The following VAV3 variants were observed in gnomAD, a reference collection of about 807,000 sequenced individuals.
VAV3 encodes vav guanine nucleotide exchange factor 3, also known as guanine nucleotide exchange factor VAV3.
A neutral mutation model predicts 131.2 loss-of-function variants in VAV3; 94 were observed. The observed-to-expected ratio is 0.72, with a 90% CI of 0.61 to 0.85. The LOEUF (loss-of-function observed/expected upper bound fraction) is 0.85. VAV3 is among the 40% of genes least tolerant of loss of function. The pLI, the probability that VAV3 is intolerant of heterozygous loss-of-function variation, is 0.00. For missense variants in VAV3, 939 were observed against 1,002.7 expected (o/e 0.94, Z 0.86); for synonymous variants, 349 against 342.0 (o/e 1.02, Z -0.22).
At position 107,866,849 on chromosome 1, in the gene VAV3, T is replaced by C. The variant is rs202064472; in HGVS notation, c.321+8052A>G. 1.3e-3 allele frequency among the ~76,000 whole-genome samples: 101 copies of C among 80,554 alleles called. No individual in the cohort carries two copies. The South Asian group carries it at 0.034, about 27-fold the overall frequency. 52.8% of individuals were successfully genotyped at this position (80,554 alleles called of 152,430 possible). A position where few individuals can be genotyped will look rare whatever the true frequency, so the allele number is the denominator to read the frequency against. On this transcript the variant is annotated intron_variant, in intron 2 of 26. Coordinates refer to ENST00000370056, the MANE Select transcript of VAV3 (RefSeq NM_006113.5). Reference sequence around the variant, plus strand: ...AAAAAAAAAAAAAAAAAAAAAAAAATAGGGCATTTGTAACCATTTAGCTCC... The same window carrying C: ...AAAAAAAAAAAAAAAAAAAAAAAAACAGGGCATTTGTAACCATTTAGCTCC...
At chr1:107,859,376 T>G (rs1459191173) in intron 2 of VAV3, among the ~76,000 whole-genome samples, 2 of 152,172 alleles carry the variant, frequency 1.3e-5, no homozygotes, top group African/African-American at 4.8e-5. Context: ...CCTAGCCCCT[T>G]GAGACATTTC....
chr1:107,704,619 TAAAAC>T lies in VAV3; in HGVS notation c.1631_1635del (p.Cys544Ter). On this transcript the variant is annotated frameshift_variant, in exon 17 of 27. Coordinates refer to ENST00000370056, the MANE Select transcript of VAV3 (RefSeq NM_006113.5). LOFTEE classifies it high-confidence loss of function. ...TCTTTGTGTGCTCTCGCTCCACACT[TAAAAC>T]ATAAATAGCCTTGATAAAATGTTCC... is the stretch of plus-strand genomic sequence containing the variant. 1 of 1,613,836 alleles carries T rather than the reference TAAAAC, an allele frequency of 6.2e-7. No homozygotes were observed. Among genetic ancestry groups the T allele is most frequent in the Non-Finnish European group, 8.5e-7 (1 of 1,179,862 alleles).
intron 25 of VAV3, among the ~76,000 whole-genome samples, chr1:107,591,056 A>C (rs758308586): frequency 1.3e-5 from 2 of 152,168 alleles, no homozygotes; most frequent in African/African-American, 2.4e-5. Flanking sequence ...GTTCCTTAAA[A>C]ATATGAAGTT....
intron 1 of VAV3, among the ~76,000 whole-genome samples, chr1:107,889,132 AGTGTGTGTGT>A (rs5776903): frequency 1.2e-4 from 17 of 142,038 alleles, no homozygotes; most frequent in Admixed American, 2.8e-4. Context: ...TCCTGTGTAG[AGTGTGTGTGT>A]GTGTGTGTGT....
rs146885437 is a variant in VAV3 at position 107,751,136 on chromosome 1, T to C, written c.1240A>G (p.Lys414Glu). 2.5e-6 allele frequency: 4 copies of C among 1,613,130 alleles called. No individual in the cohort carries two copies. The highest frequency in any genetic ancestry group is 3.4e-6 in the Non-Finnish European group (4 of 1,179,726). ...TCTTACCTTTCTTGTTTGGTATGCT[T>C]GTCTAGAGTGGTTATTCGAATTTCA... ...DGEIRITTLD[K>E]HTKQERHIFL... Residue 414 changes from lysine (K) to glutamate (E), a missense_variant, in exon 13 of 27, where the codon AAG (lysine) becomes GAG (glutamate). By Grantham distance (56) the Lys-to-Glu change is moderately conservative (BLOSUM62 1). Transcript: ENST00000370056.
rs756184459 is a variant in VAV3, at chr1:107,751,137, G to A, written c.1239C>T (p.Asp413=). The A allele has an allele frequency of 3.9e-5, 63 of 1,612,590 alleles. No homozygotes were observed. The highest frequency in any genetic ancestry group is 4.7e-5 in the Non-Finnish European group (55 of 1,179,596). The change falls in exon 13 of 27, where the codon GAC becomes GAT. Residue 413 remains aspartate, a synonymous_variant. Coordinates refer to ENST00000370056, the MANE Select transcript of VAV3 (RefSeq NM_006113.5). ...CTTACCTTTCTTGTTTGGTATGCTTGTCTAGAGTGGTTATTCGAATTTCAC... is the reference window on the plus strand; with the variant it reads ...CTTACCTTTCTTGTTTGGTATGCTTATCTAGAGTGGTTATTCGAATTTCAC... ...GDGEIRITTL[D]KHTKQERHIF...
chr1:107,671,184 C>A (rs1481141644), intron 19 of VAV3, among the ~76,000 whole-genome samples: 1 of 152,172 alleles, frequency 6.6e-6, no homozygotes, highest in Non-Finnish European at 1.5e-5. Context: ...GTAATTCTTA[C>A]TCCCAAGAAG....
intron 24 of VAV3, among the ~76,000 whole-genome samples, chr1:107,600,854 T>C (rs1651797531): frequency 6.6e-6 from 1 of 152,206 alleles, no homozygotes; most frequent in Admixed American, 6.5e-5. Context: ...TCTTCTTTGC[T>C]TGTCTCCTCT....
At chr1:107,871,688 T>C (rs759412434) in intron 2 of VAV3, among the ~76,000 whole-genome samples, 4 of 152,124 alleles carry the variant, frequency 2.6e-5, no homozygotes, top group Non-Finnish European at 5.9e-5. Context: ...TCTCACAAAA[T>C]ACAAATTATC....
intron 1 of VAV3, among the ~76,000 whole-genome samples, chr1:107,947,244 G>A (rs1258883245): frequency 2.0e-5 from 3 of 152,150 alleles, no homozygotes; most frequent in African/African-American, 4.8e-5. Flanking sequence ...CAGACAAATC[G>A]ACAGATTCAA....
At chr1:107,659,977 C>G (rs1656885166) in intron 19 of VAV3, among the ~76,000 whole-genome samples, 1 of 152,144 alleles carries the variant, frequency 6.6e-6, no homozygotes, top group Admixed American at 6.5e-5. Context: ...CCCTTTCCCC[C>G]ACCTCAAGAC....
intron 1 of VAV3, among the ~76,000 whole-genome samples, chr1:107,951,423 C>T (rs1016425116): frequency 3.3e-5 from 5 of 152,102 alleles, no homozygotes; most frequent in Non-Finnish European, 5.9e-5. Context: ...TGCCTTTGTG[C>T]CCTGTACAAA....
intron 24 of VAV3, among the ~76,000 whole-genome samples, chr1:107,600,174 C>T (rs1267099526): frequency 6.6e-6 from 1 of 152,070 alleles, no homozygotes; most frequent in Non-Finnish European, 1.5e-5. Context: ...TTGAGTTCTC[C>T]AGAAAGTGAT....
chr1:107,620,602 C>CT (rs889340557), intron 20 of VAV3, among the ~76,000 whole-genome samples: 7 of 151,364 alleles, frequency 4.6e-5, no homozygotes, highest in South Asian at 2.1e-4. Context: ...CTATATGTCA[C>CT]TTTTTTTTTG....
At chr1:107,766,273 A>C (rs1232974936) in intron 8 of VAV3, among the ~76,000 whole-genome samples, 174 bp downstream of exon 8, 1 of 152,024 alleles carries the variant, frequency 6.6e-6, no homozygotes, top group East Asian at 1.9e-4. Context: ...TTTCTTTTTT[A>C]ATTACATATA....
intron 19 of VAV3, among the ~76,000 whole-genome samples, chr1:107,667,698 A>C (rs1022638256): frequency 6.6e-6 from 1 of 150,412 alleles, no homozygotes; most frequent in Admixed American, 6.6e-5. Flanking sequence ...TTTCTACACA[A>C]ATCTTAATGA....
At chr1:107,902,871 C>T (rs979894988) in intron 1 of VAV3, among the ~76,000 whole-genome samples, 2 of 152,126 alleles carry the variant, frequency 1.3e-5, no homozygotes, top group African/African-American at 4.8e-5. Context: ...TGCCATAACA[C>T]ATAGAGAACC....
chr1:107,578,304 CA>C (rs1196023443), intron 25 of VAV3, among the ~76,000 whole-genome samples: 1 of 152,156 alleles, frequency 6.6e-6, no homozygotes, highest in Admixed American at 6.5e-5. Context: ...GCACATTCTG[CA>C]GTACATTTTT....
At chr1:107,795,640 G>A (rs1666502557) in intron 2 of VAV3, among the ~76,000 whole-genome samples, 1 of 152,150 alleles carries the variant, frequency 6.6e-6, no homozygotes, top group South Asian at 2.1e-4. Context: ...ATAACAACCT[G>A]AATCAAGAGG....
Sources: gnomAD v4.1 joint callset for allele counts (sites outside exome capture counted in the v4.1 genomes callset) on GRCh38, gnomAD v4.1.1 for gene constraint, MANE v1.5 for transcripts, NCBI Gene and HGNC (gene_info 2026-07-23, HGNC 2026-07-21) for gene names.